Variants in LGR6 observed in about 807,000 individuals in gnomAD.
The protein encoded by LGR6 is leucine-rich repeat-containing G protein-coupled receptor 6.
In LGR6, 45 loss-of-function variants were observed where a neutral mutation model predicts 69.4. The observed-to-expected ratio is 0.65, with a 90% CI of 0.51 to 0.83. The LOEUF (loss-of-function observed/expected upper bound fraction) is 0.83. Ranked by LOEUF, LGR6 falls within the 40% of genes least tolerant of loss-of-function variation. The pLI is 0.00. For synonymous variants in LGR6, 538 were observed against 555.0 expected (o/e 0.97, Z 0.43); for missense variants, 1,108 against 1,246.7 (o/e 0.89, Z 1.68).
At chr1:202,257,821 T>G (rs989965163) in intron 4 of LGR6, among the ~76,000 whole-genome samples, 1 of 152,126 alleles carries the variant, frequency 6.6e-6, no homozygotes, top group Non-Finnish European at 1.5e-5. Context: ...CATATAAATT[T>G]TAGAATCAGC....
At position 202,235,956 on chromosome 1, in the gene LGR6, G is replaced by T. The variant is rs147299721; in HGVS notation, c.391G>T (p.Ala131Ser). 6 of 1,613,940 alleles carry T rather than the reference G, an allele frequency of 3.7e-6. No individual in the cohort carries two copies. The highest frequency in any genetic ancestry group is 5.1e-6 in the Non-Finnish European group (6 of 1,180,004). ...GAACAATCAGCTGGGAGGAATCCCCGCAGAGGCGCTGTGGGAGCTGCCGAG... is the reference window on the plus strand; with the variant it reads ...GAACAATCAGCTGGGAGGAATCCCCTCAGAGGCGCTGTGGGAGCTGCCGAG... The part of the protein sequence containing the change: ...LQNNQLGGIP[A>S]EALWELPSLQ... The change falls in exon 4 of 18, where the codon GCA (alanine) becomes TCA (serine). Residue 131 changes from alanine to serine, a missense_variant. By Grantham distance (99) the Ala-to-Ser change is moderately conservative. Coordinates refer to ENST00000367278, the MANE Select transcript of LGR6 (RefSeq NM_001017403.2).
At chr1:202,227,708 C>A (rs1250820498) in intron 2 of LGR6, among the ~76,000 whole-genome samples, 1 of 152,194 alleles carries the variant, frequency 6.6e-6, no homozygotes, top group African/African-American at 2.4e-5. Context: ...TTGACTTCTC[C>A]TAGCCTCAGT....
chr1:202,198,641 T>A (rs1421298933), intron 1 of LGR6, among the ~76,000 whole-genome samples: 1 of 151,446 alleles, frequency 6.6e-6, no homozygotes, highest in Non-Finnish European at 1.5e-5. Flanking sequence ...ATGGAGTGAG[T>A]TCTACTGGGA....
At chr1:202,316,918 C>T (rs1654187766) in intron 17 of LGR6, among the ~76,000 whole-genome samples, 1 of 152,134 alleles carries the variant, frequency 6.6e-6, no homozygotes, top group Non-Finnish European at 1.5e-5. Flanking sequence ...TCTCACGCAT[C>T]TCGTGTGGAC....
At chr1:202,297,194 C>T (rs111878233) in intron 6 of LGR6, among the ~76,000 whole-genome samples, 187 of 152,268 alleles carry the variant, frequency 1.2e-3, no homozygotes, top group African/African-American at 4.4e-3. Context: ...TCTGATGTCT[C>T]CAAAGGCTTG....
intron 1 of LGR6, among the ~76,000 whole-genome samples, chr1:202,204,070 G>A (rs1224069562): frequency 2.0e-5 from 3 of 152,006 alleles, no homozygotes; most frequent in Non-Finnish European, 2.9e-5. Context: ...TTGTGGACAG[G>A]AGCTGTGTTT....
In LGR6 at chr1:202,301,162, A is replaced by C. The variant is rs371853249; in HGVS notation, c.858-2A>C. ...TTAGGTGTTTGGACCTTCTTCTTCC[A>C]GACACTTTTATGATAACCCAATCCA... On this transcript the variant is annotated splice_acceptor_variant, in intron 8 of 17. Coordinates refer to ENST00000367278, the MANE Select transcript of LGR6 (RefSeq NM_001017403.2). LOFTEE classifies it high-confidence loss of function. 12 of 1,614,168 alleles carry C rather than the reference A, an allele frequency of 7.4e-6. No individual in the cohort carries two copies. The highest frequency in any genetic ancestry group is 9.3e-6 in the Non-Finnish European group (11 of 1,179,984).
At chr1:202,287,783 A>G (rs1433863544) in intron 6 of LGR6, among the ~76,000 whole-genome samples, 1 of 152,106 alleles carries the variant, frequency 6.6e-6, no homozygotes, top group Non-Finnish European at 1.5e-5. Flanking sequence ...TAAGAATCTG[A>G]CCACGTCTCA....
intron 7 of LGR6, among the ~76,000 whole-genome samples, chr1:202,299,079 G>A (rs1191201326): frequency 6.6e-6 from 1 of 151,698 alleles, no homozygotes; most frequent in African/African-American, 2.4e-5. Context: ...GGACAACATG[G>A]TGAAACCCCA....
At chr1:202,301,471 A>G (rs1667590525) in intron 9 of LGR6, among the ~76,000 whole-genome samples, 1 of 152,178 alleles carries the variant, frequency 6.6e-6, no homozygotes, top group Non-Finnish European at 1.5e-5. Flanking sequence ...TCTCAAAGGG[A>G]CAAGGAAGGT....
At position 202,314,661 on chromosome 1, in the gene LGR6, A is replaced by G. The variant is rs1654003453; in HGVS notation, c.1568-141A>G. On this transcript the variant is annotated intron_variant, in intron 16 of 17. Coordinates refer to ENST00000367278, the MANE Select transcript of LGR6 (RefSeq NM_001017403.2). ...CAAATCTTTACCCCCAAGGGTAGAA[A>G]TGGATGTGCCGGGTTGCTAGAATGA... 4 of 648,248 alleles carry G rather than the reference A, an allele frequency of 6.2e-6. No homozygotes were observed. The African/African-American group carries it at 7.2e-5, about 12-fold the overall frequency. The allele number at this position is 648,248 out of a possible 1,614,324, so 40.2% of individuals were successfully genotyped here. A position where few individuals can be genotyped will look rare whatever the true frequency, so the allele number is the denominator to read the frequency against.
chr1:202,236,640 T>C (rs964713534), intron 4 of LGR6, among the ~76,000 whole-genome samples: 1 of 152,220 alleles, frequency 6.6e-6, no homozygotes, highest in Admixed American at 6.5e-5. Context: ...ATCCACATAA[T>C]GCACAGCCCA....
At chr1:202,289,832 G>A (rs529556956) in intron 6 of LGR6, among the ~76,000 whole-genome samples, 2 of 152,262 alleles carry the variant, frequency 1.3e-5, no homozygotes, top group East Asian at 3.9e-4. Flanking sequence ...GAGATAAAAG[G>A]CAATTCAGAG....
chr1:202,220,652 G>A (rs1025594965), intron 1 of LGR6, among the ~76,000 whole-genome samples: 1 of 152,180 alleles, frequency 6.6e-6, no homozygotes, highest in Non-Finnish European at 1.5e-5. Flanking sequence ...GGATAACAAC[G>A]GCAGGTGCTG....
chr1:202,318,324 TC>T lies in LGR6; in HGVS notation c.2023del (p.Arg675GlyfsTer17). On this transcript the variant is annotated frameshift_variant, in exon 18 of 18. Coordinates refer to ENST00000367278, the MANE Select transcript of LGR6 (RefSeq NM_001017403.2). LOFTEE classifies it low-confidence loss of function (END_TRUNC). ...AVQCSVSVSC[V>X]RAYGKSPSLG... ...CAGTGCAGCGTCTCCGTCTCCTGTG[TC>T]CGGGCCTATGGGAAGTCCCCCTCCC... The T allele has an allele frequency of 6.3e-7, 1 of 1,594,622 alleles. No individual in the cohort carries two copies. The highest frequency in any genetic ancestry group is 8.5e-7 in the Non-Finnish European group (1 of 1,170,060).
intron 3 of LGR6, among the ~76,000 whole-genome samples, chr1:202,230,433 A>C (rs2147972936): frequency 6.6e-6 from 1 of 152,322 alleles, no homozygotes; most frequent in South Asian, 2.1e-4. Flanking sequence ...AGAGCTGGCA[A>C]GGCCCAGACG....
chr1:202,205,031 C>CCCTCAAACACACACAA, intron 1 of LGR6, among the ~76,000 whole-genome samples: 1 of 48,026 alleles, frequency 2.1e-5, no homozygotes, highest in South Asian at 9.2e-4. Flanking sequence ...TCACACACCT[C>CCCTCAAACACACACAA]CTTCAAACAC....
rs1654406009 is a variant in LGR6 at position 202,318,938 on chromosome 1, A to T, written c.2635A>T (p.Ile879Phe). 6.2e-7 allele frequency: 1 copy of T among 1,613,788 alleles called. No individual in the cohort carries two copies. Among genetic ancestry groups the T allele is most frequent in the Non-Finnish European group, 8.5e-7 (1 of 1,179,848 alleles). Residue 879 changes from isoleucine (I) to phenylalanine (F), a missense_variant, in exon 18 of 18, where the codon ATT (isoleucine) becomes TTT (phenylalanine). Physicochemically the swap from Ile to Phe is conservative, Grantham distance 21. Transcript: ENST00000367278. ...GGTAGCCTTCTCTGATGTGGATCTC[A>T]TTCTGGAAGCTTCTGAAGCTGGGCG... ...ALVAFSDVDL[I>F]LEASEAGRPP...
intron 4 of LGR6, among the ~76,000 whole-genome samples, chr1:202,263,807 CAAAGA>C (rs887795341): frequency 2.4e-4 from 36 of 152,160 alleles, no homozygotes; most frequent in African/African-American, 8.7e-4. Context: ...TACTGTGGGA[CAAAGA>C]GGTAAGGCAA....
Sources: allele counts gnomAD v4.1 joint callset (sites outside exome capture counted in the v4.1 genomes callset), GRCh38; gene constraint gnomAD v4.1.1; transcripts MANE v1.5; gene names NCBI Gene and HGNC (gene_info 2026-07-23, HGNC 2026-07-21).